CMSS1: variants seen among roughly 807,000 people sequenced by gnomAD.
CMSS1 encodes the protein cms1 ribosomal small subunit homolog.
CMSS1 carries 33 observed loss-of-function variants against 43.5 expected under a neutral mutation model. That is an observed-to-expected ratio of 0.76 (90% CI 0.57 to 1.01). The LOEUF (loss-of-function observed/expected upper bound fraction) is 1.01, where lower values mean the gene tolerates loss of function less well. CMSS1 is among the 50% of genes least tolerant of loss of function. The probability of loss-of-function intolerance (pLI) is 0.00; values close to 1 mark genes in which losing one functional copy is unlikely to be tolerated. For synonymous variants in CMSS1, 115 were observed against 117.2 expected (o/e 0.98, Z 0.12); for missense variants, 313 against 326.4 (o/e 0.96, Z 0.32).
At chr3:100,025,735 A>C (rs1000599401) in intron 1 of CMSS1, among the ~76,000 whole-genome samples, 1 of 152,072 alleles carries the variant, frequency 6.6e-6, no homozygotes, top group East Asian at 1.9e-4. Context: ...TTTTCATGTA[A>C]GTGAAGCTAA....
chr3:99,925,266 C>G (rs1707255098), intron 1 of CMSS1, among the ~76,000 whole-genome samples: 1 of 152,150 alleles, frequency 6.6e-6, no homozygotes, highest in African/African-American at 2.4e-5. Context: ...AATGTAAGTA[C>G]TAAGTCCATT....
chr3:99,869,180 GAGA>G (rs1944663047), intron 1 of CMSS1, among the ~76,000 whole-genome samples: 1 of 152,204 alleles, frequency 6.6e-6, no homozygotes, highest in Non-Finnish European at 1.5e-5. Context: ...ATTTAGTGAA[GAGA>G]AGAATTCACT....
intron 1 of CMSS1, among the ~76,000 whole-genome samples, chr3:99,870,698 G>A (rs1322769121): frequency 6.6e-6 from 1 of 152,182 alleles, no homozygotes; most frequent in Non-Finnish European, 1.5e-5. Flanking sequence ...TAGCTTCACA[G>A]GTTGACATTG....
chr3:100,023,702 A>G (rs2107237480), intron 1 of CMSS1, among the ~76,000 whole-genome samples: 1 of 152,234 alleles, frequency 6.6e-6, no homozygotes, highest in East Asian at 1.9e-4. Context: ...ACCATGATGT[A>G]TGTCATGGTA....
At chr3:99,944,556 G>A (rs1302325049) in intron 1 of CMSS1, among the ~76,000 whole-genome samples, 5 of 152,200 alleles carry the variant, frequency 3.3e-5, no homozygotes, top group Non-Finnish European at 7.3e-5. Flanking sequence ...AACCCTGTAA[G>A]GTAGTACTCT....
intron 1 of CMSS1, among the ~76,000 whole-genome samples, chr3:100,141,047 T>C (rs1473528110): frequency 6.6e-6 from 1 of 152,232 alleles, no homozygotes; most frequent in Non-Finnish European, 1.5e-5. Context: ...TACAGTTTTA[T>C]ATTTTTTATG....
At chr3:100,061,560 T>G (rs2065566922) in intron 1 of CMSS1, among the ~76,000 whole-genome samples, 1 of 152,238 alleles carries the variant, frequency 6.6e-6, no homozygotes, top group African/African-American at 2.4e-5. Flanking sequence ...TGGAACTTTT[T>G]TAAAAAATTG....
chr3:100,098,528 C>T (rs1475260832), intron 1 of CMSS1, among the ~76,000 whole-genome samples: 1 of 152,224 alleles, frequency 6.6e-6, no homozygotes, highest in African/African-American at 2.4e-5. Context: ...CTATAATTGA[C>T]TGACTCTATA....
chr3:100,147,724 A>G (rs1306036320), intron 2 of CMSS1, among the ~76,000 whole-genome samples: 4 of 152,210 alleles, frequency 2.6e-5, no homozygotes, highest in African/African-American at 9.6e-5. Flanking sequence ...CACACACTAG[A>G]GTGCATGATT....
At chr3:99,881,453 C>A (rs936864556) in intron 1 of CMSS1, among the ~76,000 whole-genome samples, 2 of 152,172 alleles carry the variant, frequency 1.3e-5, no homozygotes, top group Non-Finnish European at 2.9e-5. Flanking sequence ...CTGTCCCTTG[C>A]CAGTACAGAT....
chr3:100,062,685 AAG>A (rs2065594723), intron 1 of CMSS1, among the ~76,000 whole-genome samples: 1 of 152,204 alleles, frequency 6.6e-6, no homozygotes, highest in Admixed American at 6.5e-5. Context: ...AAAACCCTAA[AAG>A]AAATTTAAAA....
At chr3:100,091,572 A>G (rs781734165) in intron 1 of CMSS1, among the ~76,000 whole-genome samples, 1 of 152,226 alleles carries the variant, frequency 6.6e-6, no homozygotes, top group Non-Finnish European at 1.5e-5. Context: ...CCAAAAGTGT[A>G]GCCATGTTCT....
At chr3:100,059,456 T>C (rs1473670419) in intron 1 of CMSS1, among the ~76,000 whole-genome samples, 1 of 152,176 alleles carries the variant, frequency 6.6e-6, no homozygotes, top group African/African-American at 2.4e-5. Flanking sequence ...TTCCTTTCAT[T>C]CAGGAAGCAT....
At chr3:99,961,915 C>T (rs1199348467) in intron 1 of CMSS1, among the ~76,000 whole-genome samples, 1 of 151,750 alleles carries the variant, frequency 6.6e-6, no homozygotes, top group African/African-American at 2.4e-5. Flanking sequence ...ACTGAGGGAC[C>T]AAGTAGTCTG....
At chr3:100,098,407 A>G (rs2066248184) in intron 1 of CMSS1, among the ~76,000 whole-genome samples, 1 of 152,226 alleles carries the variant, frequency 6.6e-6, no homozygotes, top group Non-Finnish European at 1.5e-5. Context: ...TCTCATCTGT[A>G]ACATGATGAC....
intron 1 of CMSS1, chr3:100,023,496 C>G (rs2064862099): frequency 6.6e-6 from 1 of 152,480 alleles, no homozygotes; most frequent in Admixed American, 6.6e-5. Context: ...TGCTCCGAGT[C>G]TATAATTTAC....
chr3:99,933,737 T>C (rs1234982131), intron 1 of CMSS1, among the ~76,000 whole-genome samples: 1 of 152,234 alleles, frequency 6.6e-6, no homozygotes, highest in African/African-American at 2.4e-5. Context: ...CTATGTCCTT[T>C]GTCTTATATT....
In CMSS1 at chr3:99,868,933, G is replaced by A. The variant is rs185377945; in HGVS notation, c.64+50890G>A. Among the ~76,000 whole-genome samples, 335 of 152,094 alleles carry A rather than the reference G, an allele frequency of 2.2e-3. 1 individual carries two copies. The highest frequency in any genetic ancestry group is 6.8e-3 in the Middle Eastern group (2 of 294). On this transcript the variant is annotated intron_variant, in intron 1 of 9. Transcript: ENST00000421999. ...TTTGTTTTAGTATATTACTTTTGCC[G>A]TTAAGCCAACTGTAAGCTCCTTAAA...
At chr3:100,077,882 TG>T (rs1398283274) in intron 1 of CMSS1, among the ~76,000 whole-genome samples, 1 of 152,102 alleles carries the variant, frequency 6.6e-6, no homozygotes, top group Non-Finnish European at 1.5e-5. Flanking sequence ...CACTCCAACC[TG>T]GGTGACAGAA....
Sources: allele counts gnomAD v4.1 joint callset (sites outside exome capture counted in the v4.1 genomes callset), GRCh38; gene constraint gnomAD v4.1.1; transcripts MANE v1.5; gene names NCBI Gene and HGNC (gene_info 2026-07-23, HGNC 2026-07-21).